CYB5D2: variants seen among roughly 807,000 people sequenced by gnomAD.
CYB5D2 encodes the protein cytochrome b5 domain containing 2.
CYB5D2 carries 23 observed loss-of-function variants against 22.8 expected under a neutral mutation model. The ratio of observed to expected loss-of-function variants is 1.01; its 90% CI spans 0.73 to 1.43. CYB5D2 has a LOEUF of 1.43. Among genes scored for constraint, CYB5D2 ranks in the 40% most tolerant of loss-of-function variants. The pLI is 0.00. For missense variants in CYB5D2, 373 were observed against 357.2 expected, an observed-to-expected ratio of 1.04 and a Z score of -0.36; for synonymous variants, 170 against 152.2, an observed-to-expected ratio of 1.12 and a Z score of -0.86.
intron 1 of CYB5D2, 78 bp from the exon 2 acceptor site, chr17:4,149,813 A>G: frequency 6.5e-7 from 1 of 1,545,676 alleles, no homozygotes; most frequent in Non-Finnish European, 8.7e-7. Context: ...AAAAAAGAAA[A>G]AGAAAGAAAA....
chr17:4,156,940 T>A lies in CYB5D2; in HGVS notation c.653T>A (p.Val218Glu). ...CCAGGTGCTAAGGAGCCCCGCTGCG[T>A]GTGTGTGAGAACCACCGGCCCCCCT... ...YKPGAKEPRC[V>E]CVRTTGPPSG... Residue 218 changes from valine (V) to glutamate (E), a missense_variant, in exon 4 of 4, where the codon GTG (valine) becomes GAG (glutamate). Transcript: ENST00000301391. 4 of 1,612,834 alleles carry A rather than the reference T, an allele frequency of 2.5e-6. No homozygotes were observed. Among genetic ancestry groups the A allele is most frequent in the Non-Finnish European group, 3.4e-6 (4 of 1,180,020 alleles).
Position 4,143,990 on chromosome 17 carries a change from T to A in CYB5D2, c.235T>A (p.Tyr79Asn), listed in dbSNP as rs745640464. The A allele has an allele frequency of 2.5e-6, 4 of 1,605,528 alleles. No individual in the cohort carries two copies. Among genetic ancestry groups the A allele is most frequent in the Non-Finnish European group, 3.4e-6 (4 of 1,175,880 alleles). The change falls in exon 1 of 4, where the codon TAT (tyrosine) becomes AAT (asparagine). Residue 79 changes from tyrosine (Y) to asparagine (N), a missense_variant. By Grantham distance (143) the Tyr-to-Asn change is moderately radical. Coordinates refer to ENST00000301391, the MANE Select transcript of CYB5D2 (RefSeq NM_144611.4). Reference sequence around the variant, plus strand: ...GAGGCACTACGAGCCTGGGTCCCACTATAGCGGCTTCGCAGGTATCAGCGA... The same window carrying A: ...GAGGCACTACGAGCCTGGGTCCCACAATAGCGGCTTCGCAGGTATCAGCGA... ...GRRHYEPGSH[Y>N]SGFAGRDASR...
intron 2 of CYB5D2, among the ~76,000 whole-genome samples, chr17:4,150,412 C>T (rs2059043153): frequency 6.6e-6 from 1 of 152,130 alleles, no homozygotes; most frequent in Non-Finnish European, 1.5e-5. Context: ...TCGACAAATC[C>T]CCTTTTATTT....
intron 1 of CYB5D2, 93 bp from the exon 2 acceptor site, chr17:4,149,798 C>CAA (rs138353200): frequency 3.5e-3 from 4,643 of 1,330,564 alleles, no homozygotes; most frequent in South Asian, 4.3e-3. Context: ...GACTCCGTCT[C>CAA]AAAAAAAAAA....
In CYB5D2 at chr17:4,157,464, GGTTGATTCT is replaced by G. The variant is rs1247658670; in HGVS notation, c.*384_*392del. The G allele has an allele frequency of 1.7e-5, 4 of 237,020 alleles. No homozygotes were observed. The highest frequency in any genetic ancestry group is 6.8e-5 in the African/African-American group (3 of 43,962). 14.7% of individuals were successfully genotyped at this position (237,020 alleles called of 1,614,324 possible). Reference sequence around the variant, plus strand: ...TACGAGGCAATAACAAATTAGTGTGGGTTGATTCTGGAATTGGAAAAGCTTTTGCTTGTA... The same window carrying G: ...TACGAGGCAATAACAAATTAGTGTGGGGAATTGGAAAAGCTTTTGCTTGTA... On this transcript the variant is annotated 3_prime_UTR_variant, in exon 4 of 4. Transcript: ENST00000301391. The surrounding 1 kb of genome is among the most constrained non-coding windows in gnomAD (Gnocchi z 4.4).
intron 2 of CYB5D2, among the ~76,000 whole-genome samples, chr17:4,152,499 G>A (rs1444914005): frequency 1.3e-5 from 2 of 152,234 alleles, no homozygotes; most frequent in Admixed American, 1.3e-4. Flanking sequence ...TACAGGATTG[G>A]CTTGGAGATG....
chr17:4,145,144 T>G (rs1383443830), intron 1 of CYB5D2, among the ~76,000 whole-genome samples: 3 of 151,814 alleles, frequency 2.0e-5, no homozygotes, highest in Non-Finnish European at 2.9e-5. Flanking sequence ...CCTCCAAAAT[T>G]TAAAAAGAAA....
chr17:4,151,842 TATAA>T (rs2059061742), intron 2 of CYB5D2, among the ~76,000 whole-genome samples: 1 of 151,670 alleles, frequency 6.6e-6, no homozygotes, highest in East Asian at 1.9e-4. Flanking sequence ...ATGTCTCTAC[TATAA>T]ATACAAAAAA....
chr17:4,156,533 C>T (rs2142995505), intron 3 of CYB5D2, among the ~76,000 whole-genome samples: 1 of 152,350 alleles, frequency 6.6e-6, no homozygotes, highest in Non-Finnish European at 1.5e-5. Context: ...CACAGGCCAG[C>T]AGGGGAAGCC....
At chr17:4,145,872 C>T (rs2058984697) in intron 1 of CYB5D2, among the ~76,000 whole-genome samples, 1 of 152,070 alleles carries the variant, frequency 6.6e-6, no homozygotes, top group Admixed American at 6.5e-5. Flanking sequence ...GATCTTGGCT[C>T]ACTGCAACCT....
intron 1 of CYB5D2, among the ~76,000 whole-genome samples, chr17:4,145,173 C>T (rs1331259483): frequency 1.3e-5 from 2 of 152,180 alleles, no homozygotes; most frequent in East Asian, 3.8e-4. Flanking sequence ...GCAGGGCAAG[C>T]CTAAGATCAG....
At chr17:4,155,360 G>C (rs1387173709) in intron 3 of CYB5D2, among the ~76,000 whole-genome samples, 2 of 152,164 alleles carry the variant, frequency 1.3e-5, no homozygotes, top group Non-Finnish European at 2.9e-5. Context: ...GGCCACACCT[G>C]TGGTCCTGGC....
intron 3 of CYB5D2, among the ~76,000 whole-genome samples, chr17:4,155,063 A>G (rs2059099873): frequency 6.6e-6 from 1 of 152,052 alleles, no homozygotes; most frequent in African/African-American, 2.4e-5. Flanking sequence ...ACCTCACTCC[A>G]CTCAACTGAA....
chr17:4,143,625 G>A lies in CYB5D2; in HGVS notation c.-131G>A, dbSNP rs1173038740. Reference sequence around the variant, plus strand: ...AAAACGAGAGAGACTAAGGGAGGGAGCGCGAGCACTAGCGCGCGAGAGAGA... The same window carrying A: ...AAAACGAGAGAGACTAAGGGAGGGAACGCGAGCACTAGCGCGCGAGAGAGA... On this transcript the variant is annotated 5_prime_UTR_variant, in exon 1 of 4. Coordinates refer to ENST00000301391, the MANE Select transcript of CYB5D2 (RefSeq NM_144611.4). 3.1e-6 allele frequency: 4 copies of A among 1,299,630 alleles called. No homozygotes were observed. Among genetic ancestry groups the A allele is most frequent in the Non-Finnish European group, 4.2e-6 (4 of 945,326 alleles). 80.5% of individuals were successfully genotyped at this position (1,299,630 alleles called of 1,614,324 possible). A position where few individuals can be genotyped will look rare whatever the true frequency, so the allele number is the denominator to read the frequency against.
intron 2 of CYB5D2, among the ~76,000 whole-genome samples, chr17:4,150,558 A>G (rs181079321): frequency 7.0e-6 from 1 of 143,412 alleles, no homozygotes; most frequent in East Asian, 1.9e-4. Context: ...AAATGAGACA[A>G]CACCAAACTG....
In CYB5D2 at chr17:4,143,913, C is replaced by T. The variant is rs2058936170; in HGVS notation, c.158C>T (p.Pro53Leu). The T allele has an allele frequency of 6.2e-7, 1 of 1,613,762 alleles. No individual in the cohort carries two copies. The highest frequency in any genetic ancestry group is 8.5e-7 in the Non-Finnish European group (1 of 1,180,004). ...LSRYRGGPGD[P>L]GLYLALLGRV... is the part of the protein sequence containing the mutation. ...CGCTACCGCGGCGGCCCAGGGGACC[C>T]GGGCCTGTACTTGGCGTTGCTCGGC... The change falls in exon 1 of 4, where the codon CCG (proline) becomes CTG (leucine). Residue 53 changes from proline (P) to leucine (L), a missense_variant. Transcript: ENST00000301391.
At chr17:4,144,440 C>G (rs2058956555) in intron 1 of CYB5D2, among the ~76,000 whole-genome samples, 1 of 152,100 alleles carries the variant, frequency 6.6e-6, no homozygotes, top group African/African-American at 2.4e-5. Flanking sequence ...TCCCCCCACC[C>G]CTAAGCATAG....
chr17:4,143,813 G>A lies in CYB5D2; in HGVS notation c.58G>A (p.Val20Ile), dbSNP rs2142991883. 3 of 1,614,188 alleles carry A rather than the reference G, an allele frequency of 1.9e-6. No individual in the cohort carries two copies. Among genetic ancestry groups the A allele is most frequent in the East Asian group, 2.2e-5 (1 of 44,874 alleles). Residue 20 changes from valine to isoleucine, a missense_variant, in exon 1 of 4, where the codon GTA (valine) becomes ATA (isoleucine). Transcript: ENST00000301391. ...GGGCCTGGCTGTAGCCGCAGCAGCG[G>A]TAATGGCAGCACGGCTTATGGGCTG... ...LLGLAVAAAA[V>I]MAARLMGWWG...
At position 4,157,086 on chromosome 17, in the gene CYB5D2, G is replaced by A. The variant is rs202175260; in HGVS notation, c.*4G>A. 8.1e-4 allele frequency: 1,303 copies of A among 1,611,998 alleles called. No homozygotes were observed. The highest frequency in any genetic ancestry group is 1.8e-3 in the Middle Eastern group (8 of 4,474). On this transcript the variant is annotated 3_prime_UTR_variant, in exon 4 of 4. Transcript: ENST00000301391. The surrounding 1 kb of genome is among the most constrained non-coding windows in gnomAD (Gnocchi z 4.4). ...CACATGCTCCTTTCCACTCTAAGCC[G>A]TAGCCTCTTCTGTTAATAACACACA...
Sources: gnomAD v4.1 joint callset for allele counts (sites outside exome capture counted in the v4.1 genomes callset) on GRCh38, gnomAD v4.1.1 for gene constraint, Gnocchi (gnomAD v3.1) non-coding constraint, MANE v1.5 for transcripts, NCBI Gene and HGNC (gene_info 2026-07-23, HGNC 2026-07-21) for gene names.